Variants in CNTRL observed in about 807,000 individuals in gnomAD.
CNTRL encodes the protein 110 kDa centrosomal protein.
Under a neutral mutation model 303.7 loss-of-function variants are expected in CNTRL, and 233 were observed. The ratio of observed to expected loss-of-function variants is 0.77; its 90% confidence interval spans 0.69 to 0.86. The LOEUF (loss-of-function observed/expected upper bound fraction) is 0.86, where lower values mean the gene tolerates loss of function less well. Ranked by LOEUF, CNTRL falls within the 40% of genes least tolerant of loss-of-function variation. CNTRL has a pLI of 0.00. For synonymous variants in CNTRL, 900 were observed against 922.2 expected (o/e 0.98, Z 0.44); for missense variants, 2,524 against 2,650.6 (o/e 0.95, Z 1.05).
intron 19 of CNTRL, 42 bp downstream of exon 19, chr9:121,142,312 C>T (rs1416061591): frequency 6.5e-7 from 1 of 1,543,556 alleles, no homozygotes; most frequent in East Asian, 2.3e-5. Flanking sequence ...GTACCTGCTG[C>T]CAGTGTCCTG....
At position 121,148,721 on chromosome 9, in the gene CNTRL, A is replaced by G. The variant is rs1192489105; in HGVS notation, c.3509A>G (p.Lys1170Arg). 4 of 1,613,970 alleles carry G rather than the reference A, an allele frequency of 2.5e-6. No homozygotes were observed. The Admixed American group carries it at 5.0e-5, about 20-fold the overall frequency. Reference protein sequence around the residue: ...QATKDSGVGLKYSASTPVRKP... With the variant: ...QATKDSGVGLRYSASTPVRKP... ...ACCAAGGACTCTGGTGTTGGCCTTAAGTACTCAGCCTCAACTCCTGTTAGA... is the reference window on the plus strand; with the variant it reads ...ACCAAGGACTCTGGTGTTGGCCTTAGGTACTCAGCCTCAACTCCTGTTAGA... The change falls in exon 24 of 44, where the codon AAG (lysine) becomes AGG (arginine). Residue 1170 changes from lysine (K) to arginine (R), a missense_variant. Physicochemically the swap from Lys to Arg is conservative, Grantham distance 26 (BLOSUM62 2). Transcript: ENST00000373855.
intron 1 of CNTRL, among the ~76,000 whole-genome samples, chr9:121,075,480 G>T (rs961484119): frequency 6.6e-6 from 1 of 152,190 alleles, no homozygotes; most frequent in Non-Finnish European, 1.5e-5. Context: ...TCACGGTATC[G>T]GACGGAGTAC....
rs568976840 is a variant in CNTRL at position 121,158,488 on chromosome 9, T to G, written c.4765-367T>G. Reference sequence around the variant, plus strand: ...AACAAATACGTATTGTCTTTAAAATTGCAACGAATTTTTAATTTTAAAAAT... The same window carrying G: ...AACAAATACGTATTGTCTTTAAAATGGCAACGAATTTTTAATTTTAAAAAT... On this transcript the variant is annotated intron_variant, in intron 30 of 43. Transcript: ENST00000373855. 144 of 225,548 alleles carry G rather than the reference T, an allele frequency of 6.4e-4. 1 individual carries two copies. The highest frequency in any genetic ancestry group is 1.5e-3 in the Admixed American group (30 of 19,616). 14.0% of individuals were successfully genotyped at this position (225,548 alleles called of 1,614,324 possible).
chr9:121,147,064 G>A (rs2051907616), intron 23 of CNTRL, among the ~76,000 whole-genome samples: 1 of 152,206 alleles, frequency 6.6e-6, no homozygotes, highest in Non-Finnish European at 1.5e-5. Context: ...GTGCAGTGGT[G>A]TGATCTTGGC....
At position 121,118,259 on chromosome 9, in the gene CNTRL, G is replaced by A. The variant is rs1176047915; in HGVS notation, c.1456-87G>A. ...ATTTTTAAAAAACTGATAGAATATA[G>A]AATACTTATTAAAATTATAGACATT... On this transcript the variant is annotated intron_variant, in intron 11 of 43. Transcript: ENST00000373855. The A allele has an allele frequency of 7.5e-6, 8 of 1,064,760 alleles. No individual in the cohort carries two copies. The African/African-American group carries it at 1.1e-4, about 15-fold the overall frequency. 66.0% of individuals were successfully genotyped at this position (1,064,760 alleles called of 1,614,324 possible). A position where few individuals can be genotyped will look rare whatever the true frequency, so the allele number is the denominator to read the frequency against.
At chr9:121,113,769 C>T in intron 10 of CNTRL, 45 bp downstream of exon 10, 1 of 1,295,398 alleles carries the variant, frequency 7.7e-7, no homozygotes, top group Non-Finnish European at 1.0e-6. Context: ...AATATGAAAA[C>T]ATTGAATATG....
Position 121,150,517 on chromosome 9 carries a change from C to G in CNTRL, c.3963+34C>G, listed in dbSNP as rs181982158. The G allele has an allele frequency of 2.0e-4, 317 of 1,588,946 alleles. No homozygotes were observed. In the African/African-American group the frequency reaches 3.2e-3, roughly 16 times the overall value. On this transcript the variant is annotated intron_variant, in intron 25 of 43. Transcript: ENST00000373855. ...AAAGACATACAACTCTCTTTCCACA[C>G]TGCTTCCATGGGTGACTGATAAGGT...
chr9:121,083,091 A>T (rs2048209025), intron 2 of CNTRL, among the ~76,000 whole-genome samples: 1 of 152,152 alleles, frequency 6.6e-6, no homozygotes, highest in Non-Finnish European at 1.5e-5. Context: ...TTTCTTTCCC[A>T]GTTAGTCGGT....
intron 39 of CNTRL, 54 bp from the exon 40 acceptor site, chr9:121,171,354 A>G (rs778543635): frequency 1.9e-6 from 3 of 1,606,566 alleles, no homozygotes; most frequent in Non-Finnish European, 2.6e-6. Context: ...GTAAGCCAGC[A>G]AACCACACCT....
intron 41 of CNTRL, 72 bp downstream of exon 41, chr9:121,173,581 T>G: frequency 6.2e-7 from 1 of 1,610,282 alleles, no homozygotes; most frequent in East Asian, 2.2e-5. Flanking sequence ...AAAACACAGA[T>G]GTGGGGGTGC....
chr9:121,149,642 AG>A (rs2052099561), intron 24 of CNTRL, among the ~76,000 whole-genome samples: 1 of 152,058 alleles, frequency 6.6e-6, no homozygotes, highest in Non-Finnish European at 1.5e-5. Flanking sequence ...CCTGACCTCA[AG>A]TGATCTGCCT....
intron 38 of CNTRL, among the ~76,000 whole-genome samples, chr9:121,168,989 T>C (rs1462931859): frequency 1.3e-5 from 2 of 152,234 alleles, no homozygotes; most frequent in Admixed American, 1.3e-4. Flanking sequence ...CGAGTTCTGA[T>C]CATGCCAGAG....
intron 34 of CNTRL, among the ~76,000 whole-genome samples, chr9:121,162,715 T>C (rs539127638): frequency 6.6e-6 from 1 of 152,178 alleles, no homozygotes; most frequent in African/African-American, 2.4e-5. Flanking sequence ...TTTATACAAT[T>C]TTTTAGGTAT....
intron 16 of CNTRL, among the ~76,000 whole-genome samples, chr9:121,139,077 G>A (rs946932820): frequency 3.3e-5 from 5 of 152,166 alleles, no homozygotes; most frequent in African/African-American, 1.2e-4. Context: ...TAACTAGAGT[G>A]AGTTGCAGTG....
chr9:121,156,377 G>GAGTGT (rs2052572808), intron 27 of CNTRL, among the ~76,000 whole-genome samples: 1 of 152,134 alleles, frequency 6.6e-6, no homozygotes, highest in Non-Finnish European at 1.5e-5. Context: ...GTTTTGGAAG[G>GAGTGT]AGTGTGCCAG....
intron 3 of CNTRL, among the ~76,000 whole-genome samples, chr9:121,088,959 CAT>C (rs1324220894): frequency 1.1e-4 from 16 of 152,268 alleles, no homozygotes; most frequent in African/African-American, 3.4e-4. Context: ...CTGATTTCCA[CAT>C]ATGGGACATG....
chr9:121,091,661 G>C (rs2048576372), intron 4 of CNTRL, among the ~76,000 whole-genome samples: 1 of 152,088 alleles, frequency 6.6e-6, no homozygotes, highest in Non-Finnish European at 1.5e-5. Flanking sequence ...TGGGCAACAT[G>C]ATGAAACCCC....
At chr9:121,088,232 A>G in intron 2 of CNTRL, 64 bp from the exon 3 acceptor site, 1 of 790,098 alleles carries the variant, frequency 1.3e-6, no homozygotes, top group Admixed American at 2.5e-5. Flanking sequence ...TGAAGGTTCT[A>G]GAAAGAATAG....
Position 121,124,098 on chromosome 9 carries a change from T to A in CNTRL, c.1804+14T>A, listed in dbSNP as rs1353421966. 1 of 1,597,178 alleles carries A rather than the reference T, an allele frequency of 6.3e-7. No homozygotes were observed. Among genetic ancestry groups the A allele is most frequent in the Non-Finnish European group, 8.5e-7 (1 of 1,173,558 alleles). ...AGCTTACTGAAGGTAAGACTTTCAG[T>A]ATGATTTAAGGTAAATCAGTGTTAT... is the stretch of plus-strand genomic sequence containing the variant. On this transcript the variant is annotated intron_variant, in intron 13 of 43. Transcript: ENST00000373855.
Sources: allele counts gnomAD v4.1 joint callset (sites outside exome capture counted in the v4.1 genomes callset), GRCh38; gene constraint gnomAD v4.1.1; transcripts MANE v1.5; gene names NCBI Gene and HGNC (gene_info 2026-07-23, HGNC 2026-07-21).